Variants in NDUFAF2 observed in about 807,000 individuals in gnomAD.
NDUFAF2 encodes the protein NADH dehydrogenase [ubiquinone] 1 alpha subcomplex assembly factor 2.
NDUFAF2 carries 13 observed loss-of-function variants against 22.8 expected under a neutral mutation model. The observed-to-expected ratio is 0.57, with a 90% CI of 0.37 to 0.91. The LOEUF (loss-of-function observed/expected upper bound fraction) is 0.91, where lower values mean the gene tolerates loss of function less well. Ranked by LOEUF, NDUFAF2 falls within the 40% of genes least tolerant of loss-of-function variation. The probability of loss-of-function intolerance (pLI) is 0.01; values close to 1 mark genes in which losing one functional copy is unlikely to be tolerated. For missense variants in NDUFAF2, 162 were observed against 195.2 expected (o/e 0.83, Z 1.01); for synonymous variants, 53 against 64.2 (o/e 0.83, Z 0.84).
chr5:61,022,094 A>G (rs1751590307), intron 1 of NDUFAF2, among the ~76,000 whole-genome samples: 1 of 152,204 alleles, frequency 6.6e-6, no homozygotes, highest in Non-Finnish European at 1.5e-5. Context: ...TACTAATTAA[A>G]ATGTCAACCT....
intron 1 of NDUFAF2, among the ~76,000 whole-genome samples, chr5:61,023,295 T>C (rs1751609299): frequency 6.6e-6 from 1 of 152,156 alleles, no homozygotes; most frequent in Admixed American, 6.5e-5. Context: ...ACCAGTGTTG[T>C]CATTGTGGCT....
intron 1 of NDUFAF2, among the ~76,000 whole-genome samples, chr5:60,978,876 G>A (rs998278492): frequency 1.3e-5 from 2 of 152,134 alleles, no homozygotes; most frequent in South Asian, 4.1e-4. Context: ...CCTAGGGAGT[G>A]CAGCTCGCAA....
chr5:61,011,756 G>A (rs907770996), intron 1 of NDUFAF2, among the ~76,000 whole-genome samples: 3 of 152,028 alleles, frequency 2.0e-5, no homozygotes, highest in African/African-American at 7.2e-5. Context: ...GGTCTTCCCT[G>A]GCAGGTTGTA....
At chr5:61,137,753 T>C (rs1740985812) in intron 3 of NDUFAF2, among the ~76,000 whole-genome samples, 1 of 152,234 alleles carries the variant, frequency 6.6e-6, no homozygotes, top group Non-Finnish European at 1.5e-5. Context: ...CTTGTTGTGT[T>C]CTTCAGAAGC....
intron 1 of NDUFAF2, among the ~76,000 whole-genome samples, chr5:60,970,856 C>T (rs1408582646): frequency 6.6e-6 from 1 of 152,046 alleles, no homozygotes; most frequent in Non-Finnish European, 1.5e-5. Context: ...AACTCTTCAT[C>T]ATTGATTATG....
intron 1 of NDUFAF2, among the ~76,000 whole-genome samples, chr5:60,975,021 C>T (rs1003302627): frequency 1.3e-5 from 2 of 152,000 alleles, no homozygotes; most frequent in African/African-American, 4.8e-5. Context: ...GTTGGCCAGG[C>T]TGGTCTTGAA....
At chr5:61,071,748 C>A (rs373876658) in intron 1 of NDUFAF2, among the ~76,000 whole-genome samples, 1 of 152,200 alleles carries the variant, frequency 6.6e-6, no homozygotes, top group Non-Finnish European at 1.5e-5. Flanking sequence ...CTAATGACTT[C>A]TCTGTCTCAG....
chr5:61,063,550 A>G (rs1752192639), intron 1 of NDUFAF2, among the ~76,000 whole-genome samples: 1 of 152,026 alleles, frequency 6.6e-6, no homozygotes, highest in African/African-American at 2.4e-5. Flanking sequence ...TAAAACTACA[A>G]TAAGTTGTTA....
chr5:61,070,507 T>C (rs1330916868), intron 1 of NDUFAF2, among the ~76,000 whole-genome samples: 2 of 151,998 alleles, frequency 1.3e-5, no homozygotes, highest in African/African-American at 4.8e-5. Flanking sequence ...TTTTAAAAAA[T>C]CTTTATTTCA....
At chr5:60,982,182 T>A (rs1319575898) in intron 1 of NDUFAF2, among the ~76,000 whole-genome samples, 3 of 152,052 alleles carry the variant, frequency 2.0e-5, no homozygotes. Context: ...CGATCACTGA[T>A]TATATTAGTC....
intron 1 of NDUFAF2, among the ~76,000 whole-genome samples, chr5:61,034,912 A>ATATG (rs111557328): frequency 0.31 from 44,929 of 144,748 alleles, 7,036 homozygotes; most frequent in East Asian, 0.57. Context: ...GCAAATATAT[A>ATATG]TGTGTGTGTG....
chr5:61,148,301 T>C (rs368336136), intron 3 of NDUFAF2, among the ~76,000 whole-genome samples: 19 of 152,330 alleles, frequency 1.2e-4, no homozygotes, highest in African/African-American at 4.6e-4. Context: ...ATCACACTAC[T>C]GTGCTGCCTA....
chr5:61,072,331 T>G (rs950132827), intron 1 of NDUFAF2, among the ~76,000 whole-genome samples: 14 of 152,210 alleles, frequency 9.2e-5, no homozygotes, highest in African/African-American at 3.1e-4. Flanking sequence ...AACCCATGGC[T>G]TGGCTCCCTT....
intron 1 of NDUFAF2, among the ~76,000 whole-genome samples, chr5:60,999,478 C>T (rs983825925): frequency 6.6e-6 from 1 of 151,938 alleles, no homozygotes; most frequent in Non-Finnish European, 1.5e-5. Flanking sequence ...CAAAAGGGGA[C>T]GTATTGTATG....
intron 1 of NDUFAF2, among the ~76,000 whole-genome samples, chr5:61,011,431 T>C (rs534882005): frequency 3.3e-5 from 5 of 152,178 alleles, no homozygotes; most frequent in South Asian, 2.1e-4. Context: ...TGGTTTTAGT[T>C]GGGTAGAACA....
intron 3 of NDUFAF2, among the ~76,000 whole-genome samples, chr5:61,133,844 A>G (rs967686636): frequency 6.6e-6 from 1 of 152,230 alleles, no homozygotes; most frequent in Non-Finnish European, 1.5e-5. Flanking sequence ...TGTGGGAGAC[A>G]GAAAGGCATA....
chr5:61,151,505 G>A (rs966489488), intron 3 of NDUFAF2, among the ~76,000 whole-genome samples: 5 of 152,144 alleles, frequency 3.3e-5, no homozygotes, highest in South Asian at 2.1e-4. Context: ...TGGACCAGGC[G>A]TGGTGGCTCA....
chr5:61,064,421 G>A (rs1752204596), intron 1 of NDUFAF2, among the ~76,000 whole-genome samples: 1 of 152,036 alleles, frequency 6.6e-6, no homozygotes, highest in Non-Finnish European at 1.5e-5. Flanking sequence ...TCAGAACTTT[G>A]CATCCAACAA....
intron 1 of NDUFAF2, among the ~76,000 whole-genome samples, chr5:60,973,655 T>A (rs1034328121): frequency 6.6e-5 from 10 of 152,198 alleles, no homozygotes; most frequent in African/African-American, 2.4e-4. Context: ...TGAGTATTTT[T>A]GTTTTTGGAG....
Sources: gnomAD v4.1 joint callset for allele counts (sites outside exome capture counted in the v4.1 genomes callset) on GRCh38, gnomAD v4.1.1 for gene constraint, MANE v1.5 for transcripts, NCBI Gene and HGNC (gene_info 2026-07-23, HGNC 2026-07-21) for gene names.